Variants in SLC11A2 observed in about 807,000 individuals in gnomAD.
The protein encoded by SLC11A2 is natural resistance-associated macrophage protein 2.
SLC11A2 carries 38 observed loss-of-function variants against 68.0 expected under a neutral mutation model. The observed-to-expected ratio is 0.56, with a 90% CI of 0.43 to 0.73. SLC11A2 has a LOEUF of 0.73. Ranked by LOEUF, SLC11A2 falls within the 30% of genes least tolerant of loss-of-function variation. The pLI is 0.00. For missense variants in SLC11A2, 517 were observed against 690.5 expected (o/e 0.75, Z 2.82); for synonymous variants, 242 against 250.6 (o/e 0.97, Z 0.32).
At chr12:51,004,438 T>C (rs1396546908) in intron 5 of SLC11A2, among the ~76,000 whole-genome samples, 2 of 152,134 alleles carry the variant, frequency 1.3e-5, no homozygotes, top group African/African-American at 2.4e-5. Flanking sequence ...ATATATAAAA[T>C]GCAAACTGAT....
chr12:50,996,986 TAAC>T lies in SLC11A2; in HGVS notation c.676-17_676-15del. The T allele has an allele frequency of 6.2e-7, 1 of 1,612,162 alleles. No homozygotes were observed. The highest frequency in any genetic ancestry group is 8.5e-7 in the Non-Finnish European group (1 of 1,178,262). On this transcript the variant is annotated splice_polypyrimidine_tract_variant and intron_variant, in intron 8 of 15. Transcript: ENST00000262052. Reference sequence around the variant, plus strand: ...CACTGTAACATACTACATACCAACATAACAATGATTAGCCTTTACAGGAACGTG... The same window carrying T: ...CACTGTAACATACTACATACCAACATAATGATTAGCCTTTACAGGAACGTG...
chr12:50,988,701 T>G (rs572768946), intron 15 of SLC11A2, among the ~76,000 whole-genome samples: 13 of 152,176 alleles, frequency 8.5e-5, no homozygotes, highest in Admixed American at 3.9e-4. Context: ...TTCCTTTTTT[T>G]TAAAATCTTT....
chr12:51,011,464 C>G lies in SLC11A2; in HGVS notation c.-38-698G>C, dbSNP rs1238792956. On this transcript the variant is annotated intron_variant, in intron 1 of 15. Transcript: ENST00000262052. ...TTTTTAATAAGCATCTACACAGAGG[C>G]TGCTAGGCAAGTATCCATTCTCTGC... Among the ~76,000 whole-genome samples the G allele has an allele frequency of 3.3e-5, 5 of 151,724 alleles. No homozygotes were observed. In the East Asian group the frequency reaches 9.7e-4, roughly 29 times the overall value.
At chr12:50,960,933 G>C in the SLC11A2 span, 1 of 1,529,196 alleles carries the variant, frequency 6.5e-7, no homozygotes, top group South Asian at 1.3e-5. Flanking sequence ...TCCTGCCTCA[G>C]CCTTCCAAAT....
intron 2 of SLC11A2, among the ~76,000 whole-genome samples, chr12:51,010,058 C>G (rs1592402084): frequency 6.6e-6 from 1 of 151,920 alleles, no homozygotes; most frequent in African/African-American, 2.4e-5. Flanking sequence ...GCGGCAGGTG[C>G]CTGTAATCCC....
At chr12:50,994,064 A>G (rs1369293943) in intron 11 of SLC11A2, among the ~76,000 whole-genome samples, 1 of 141,580 alleles carries the variant, frequency 7.1e-6, no homozygotes, top group African/African-American at 2.6e-5. Context: ...TTTTAAAGAC[A>G]GAGTCTTATT....
At chr12:50,999,837 G>A (rs1052155079) in intron 6 of SLC11A2, among the ~76,000 whole-genome samples, 11 of 151,982 alleles carry the variant, frequency 7.2e-5, no homozygotes, top group East Asian at 3.9e-4. Context: ...GTGAAATCCC[G>A]TCTCTACTAA....
chr12:50,999,512 T>C (rs890160286), intron 6 of SLC11A2, 97 bp from the exon 7 acceptor site: 1 of 1,031,462 alleles, frequency 9.7e-7, no homozygotes, highest in Non-Finnish European at 1.5e-6. Context: ...AAAGAACACT[T>C]GGAGAAGCTA....
At chr12:50,985,089 A>C (rs1940418589), downstream of SLC11A2, among the ~76,000 whole-genome samples, 1 of 152,194 alleles carries the variant, frequency 6.6e-6, no homozygotes, top group African/African-American at 2.4e-5. Context: ...AAATGAGATA[A>C]TACAACTGTT....
chr12:50,994,729 G>T (rs535926730), intron 10 of SLC11A2, 99 bp from the exon 11 acceptor site: 1 of 770,108 alleles, frequency 1.3e-6, no homozygotes, highest in South Asian at 1.4e-5. Flanking sequence ...TAAGAGGTAG[G>T]CTGGAGGGAA....
chr12:50,991,497 A>AT, intron 14 of SLC11A2, 102 bp downstream of exon 14: 1 of 874,326 alleles, frequency 1.1e-6, no homozygotes, highest in Non-Finnish European at 1.9e-6. Flanking sequence ...CTCTCAAAGC[A>AT]TATCGCTTCC....
At chr12:51,017,615 TA>T (rs1366561374) in intron 1 of SLC11A2, among the ~76,000 whole-genome samples, 1 of 152,274 alleles carries the variant, frequency 6.6e-6, no homozygotes, top group East Asian at 1.9e-4. Context: ...ATTTGCCTTA[TA>T]AAAAATGTCA....
At chr12:50,962,232 T>C in the SLC11A2 span, among the ~76,000 whole-genome samples, 1 of 146,198 alleles carries the variant, frequency 6.8e-6, no homozygotes, top group Non-Finnish European at 1.5e-5. Context: ...CTAAAAAAAT[T>C]ACACACACAC....
chr12:50,973,818 T>C, the SLC11A2 span, among the ~76,000 whole-genome samples: 1 of 152,152 alleles, frequency 6.6e-6, no homozygotes, highest in Non-Finnish European at 1.5e-5. Context: ...CTGAAAACCA[T>C]GGCACAAGAA....
chr12:50,999,471 A>G, intron 6 of SLC11A2, 56 bp from the exon 7 acceptor site: 2 of 1,373,584 alleles, frequency 1.5e-6, no homozygotes, highest in Admixed American at 3.4e-5. Context: ...GAAACATTGA[A>G]AAACACTCTC....
At position 51,008,473 on chromosome 12, in the gene SLC11A2, A is replaced by G. The variant is rs1942941620; in HGVS notation, c.183+3T>C. ...TGTTCTCCTCCAAGGACCTGATACT[A>G]ACCTCCTCCTCAGGAATGGAGATCT... On this transcript the variant is annotated splice_donor_region_variant and intron_variant, in intron 3 of 15. Coordinates refer to ENST00000262052, the MANE Select transcript of SLC11A2 (RefSeq NM_000617.3). The G allele has an allele frequency of 6.2e-7, 1 of 1,612,134 alleles. No homozygotes were observed. The highest frequency in any genetic ancestry group is 1.3e-5 in the African/African-American group (1 of 74,844).
In SLC11A2 at chr12:50,987,146, T is replaced by G; in HGVS notation, c.*1179A>C. 1 of 1,283,070 alleles carries G rather than the reference T, an allele frequency of 7.8e-7. No individual in the cohort carries two copies. The highest frequency in any genetic ancestry group is 5.6e-5 in the East Asian group (1 of 17,970). The allele number at this position is 1,283,070 out of a possible 1,614,324, so 79.5% of individuals were successfully genotyped here. ...CACCCATTTCCTCTGACTCCAGAGC[T>G]CCACCATCTGGTCTCAAGATTTTTC... is the stretch of plus-strand genomic sequence containing the variant. On this transcript the variant is annotated 3_prime_UTR_variant, in exon 16 of 16. Transcript: ENST00000262052.
At chr12:51,010,521 A>C (rs1179799136) in intron 2 of SLC11A2, among the ~76,000 whole-genome samples, 174 bp downstream of exon 2, 1 of 151,766 alleles carries the variant, frequency 6.6e-6, no homozygotes, top group Non-Finnish European at 1.5e-5. Context: ...CTCAAAAAAA[A>C]AAAAAAAATC....
At chr12:50,969,497 C>G in the SLC11A2 span, among the ~76,000 whole-genome samples, 3 of 152,000 alleles carry the variant, frequency 2.0e-5, no homozygotes, top group Admixed American at 6.6e-5. Flanking sequence ...GTCAGGAGTT[C>G]AAGACCGGCC....
Sources: allele counts gnomAD v4.1 joint callset (sites outside exome capture counted in the v4.1 genomes callset), GRCh38; gene constraint gnomAD v4.1.1; transcripts MANE v1.5; gene names NCBI Gene and HGNC (gene_info 2026-07-23, HGNC 2026-07-21).